ADGRB3: variants seen among roughly 807,000 people sequenced by gnomAD.
The protein encoded by ADGRB3 is brain-specific angiogenesis inhibitor 3.
A neutral mutation model predicts 193.4 loss-of-function variants in ADGRB3; 37 were observed. The observed-to-expected ratio is 0.19, with a 90% CI of 0.15 to 0.25. The LOEUF is 0.25. Ranked by LOEUF, ADGRB3 falls within the 10% of genes least tolerant of loss-of-function variation. The pLI, the probability that ADGRB3 is intolerant of heterozygous loss-of-function variation, is 1.00. For missense variants in ADGRB3, 1,637 were observed against 1,852.9 expected (o/e 0.88, Z 2.14); for synonymous variants, 690 against 644.2 (o/e 1.07, Z -1.08).
intron 25 of ADGRB3, 39 bp downstream of exon 25, chr6:69,339,053 T>C (rs1278117688): frequency 1.3e-6 from 2 of 1,599,034 alleles, no homozygotes; most frequent in Non-Finnish European, 1.7e-6. Context: ...TTACAAATCT[T>C]TTACAGTGCA....
chr6:69,031,954 G>A (rs1770724492), intron 13 of ADGRB3, among the ~76,000 whole-genome samples: 3 of 152,104 alleles, frequency 2.0e-5, no homozygotes, highest in Admixed American at 2.0e-4. Context: ...TCTATGAAGA[G>A]CTTGAATTTC....
At chr6:68,672,774 A>G (rs530035092) in intron 3 of ADGRB3, among the ~76,000 whole-genome samples, 1 of 152,232 alleles carries the variant, frequency 6.6e-6, no homozygotes, top group Non-Finnish European at 1.5e-5. Context: ...AATGTAATTA[A>G]TATTTAAGTT....
intron 3 of ADGRB3, among the ~76,000 whole-genome samples, chr6:68,684,495 T>C (rs541275633): frequency 1.3e-5 from 2 of 152,182 alleles, no homozygotes; most frequent in Non-Finnish European, 2.9e-5. Context: ...AATTTGACCA[T>C]TTCTTGAGAT....
chr6:69,076,833 G>A (rs1772246756), intron 17 of ADGRB3, among the ~76,000 whole-genome samples: 1 of 151,956 alleles, frequency 6.6e-6, no homozygotes. Context: ...TATGCTGTCA[G>A]ATGAAGCACC....
intron 3 of ADGRB3, among the ~76,000 whole-genome samples, chr6:68,811,242 G>A (rs969506801): frequency 2.0e-5 from 3 of 151,866 alleles, no homozygotes; most frequent in Non-Finnish European, 4.4e-5. Flanking sequence ...TATCATTATG[G>A]TAATCATTTG....
At chr6:68,638,545 A>G in intron 2 of ADGRB3, 116 bp from the exon 3 acceptor site, 5 of 1,102,456 alleles carry the variant, frequency 4.5e-6, no homozygotes, top group Admixed American at 2.7e-5. Flanking sequence ...CCCTTCTTTT[A>G]AAAAGGGCTT....
intron 13 of ADGRB3, among the ~76,000 whole-genome samples, chr6:69,047,565 A>G (rs1216909803): frequency 1.3e-5 from 2 of 151,806 alleles, no homozygotes; most frequent in Admixed American, 1.3e-4. Context: ...AGAAGTTTTA[A>G]GAATTATTAT....
At chr6:68,995,370 C>T (rs1769355584) in intron 11 of ADGRB3, among the ~76,000 whole-genome samples, 1 of 152,136 alleles carries the variant, frequency 6.6e-6, no homozygotes. Flanking sequence ...GTAAAGTACT[C>T]CATGAAATAA....
chr6:69,350,618 A>T (rs966935491), intron 26 of ADGRB3, among the ~76,000 whole-genome samples: 1 of 152,172 alleles, frequency 6.6e-6, no homozygotes, highest in Non-Finnish European at 1.5e-5. Flanking sequence ...TATCTAATAA[A>T]TCTTAAATTT....
intron 3 of ADGRB3, among the ~76,000 whole-genome samples, chr6:68,678,700 TTG>T (rs137961669): frequency 9.3e-5 from 14 of 151,142 alleles, no homozygotes; most frequent in East Asian, 5.8e-4. Flanking sequence ...TTGCATCTAT[TTG>T]TGTGTGTGTG....
intron 10 of ADGRB3, among the ~76,000 whole-genome samples, chr6:68,993,222 T>G (rs1377163330): frequency 1.3e-5 from 2 of 152,096 alleles, no homozygotes; most frequent in Non-Finnish European, 2.9e-5. Context: ...TAAAGCAATC[T>G]GGTTTTCAAT....
intron 3 of ADGRB3, among the ~76,000 whole-genome samples, chr6:68,702,301 C>T (rs1365038614): frequency 1.3e-5 from 2 of 151,966 alleles, no homozygotes; most frequent in Non-Finnish European, 2.9e-5. Flanking sequence ...GCAAAAATAG[C>T]ACCAAGGGGA....
intron 23 of ADGRB3, chr6:69,332,030 A>G (rs1283471): frequency 0.98 from 966,038 of 985,346 alleles, 473,585 homozygotes; most frequent in East Asian, 1. Flanking sequence ...CATTGGCAGC[A>G]GGGCAGGGTT....
intron 20 of ADGRB3, among the ~76,000 whole-genome samples, chr6:69,253,264 G>T (rs755996389): frequency 2.0e-5 from 3 of 151,818 alleles, no homozygotes; most frequent in Admixed American, 6.6e-5. Context: ...CTTAATCTAG[G>T]TATTTTGTCT....
chr6:69,026,840 A>T (rs1770444851), intron 13 of ADGRB3, among the ~76,000 whole-genome samples: 1 of 152,182 alleles, frequency 6.6e-6, no homozygotes. Context: ...GGTATAAAAT[A>T]TTAAAAATGG....
At chr6:69,327,641 A>G (rs9454729) in intron 21 of ADGRB3, among the ~76,000 whole-genome samples, 179 bp from the exon 22 acceptor site, 1,585 of 152,248 alleles carry the variant, frequency 0.01, 22 homozygotes, top group African/African-American at 0.036. Context: ...AAGCTCAGGT[A>G]CCTCTCTCAT....
chr6:69,255,297 T>G (rs1170842753), intron 20 of ADGRB3, among the ~76,000 whole-genome samples: 3 of 152,286 alleles, frequency 2.0e-5, no homozygotes, highest in Non-Finnish European at 4.4e-5. Context: ...ACTTCTACAA[T>G]GGTTGAACTA....
At chr6:69,321,986 T>C (rs1640761586) in intron 20 of ADGRB3, among the ~76,000 whole-genome samples, 1 of 151,856 alleles carries the variant, frequency 6.6e-6, no homozygotes, top group African/African-American at 2.4e-5. Flanking sequence ...AATTAGTTAT[T>C]TTTCCTGATC....
At chr6:69,154,564 C>T (rs1176135902) in intron 17 of ADGRB3, among the ~76,000 whole-genome samples, 3 of 152,172 alleles carry the variant, frequency 2.0e-5, no homozygotes, top group African/African-American at 7.2e-5. Flanking sequence ...CATATACTTC[C>T]TCCTTTGCCT....
Sources: allele counts gnomAD v4.1 joint callset (sites outside exome capture counted in the v4.1 genomes callset), GRCh38; gene constraint gnomAD v4.1.1; transcripts MANE v1.5; gene names NCBI Gene and HGNC (gene_info 2026-07-23, HGNC 2026-07-21).